The following PLCB1 variants were observed in gnomAD, a reference collection of about 807,000 sequenced individuals.
PLCB1 encodes the protein 1-phosphatidylinositol 4,5-bisphosphate phosphodiesterase beta-1.
A neutral mutation model predicts 161.8 loss-of-function variants in PLCB1; 46 were observed. The observed-to-expected ratio is 0.28, with a 90% CI of 0.22 to 0.36. The LOEUF (loss-of-function observed/expected upper bound fraction) is 0.36, where lower values mean the gene tolerates loss of function less well. Ranked by LOEUF, PLCB1 falls within the 10% of genes least tolerant of loss-of-function variation. The pLI, the probability that PLCB1 is intolerant of heterozygous loss-of-function variation, is 1.00. For missense variants in PLCB1, 1,016 were observed against 1,472.5 expected (o/e 0.69, Z 5.07); for synonymous variants, 517 against 503.7 (o/e 1.03, Z -0.35).
At chr20:8,369,331 C>T (rs1986826496) in intron 2 of PLCB1, among the ~76,000 whole-genome samples, 2 of 152,190 alleles carry the variant, frequency 1.3e-5, no homozygotes, top group African/African-American at 4.8e-5. Context: ...TCTTTCACCT[C>T]TCAGATCTCC....
intron 2 of PLCB1, among the ~76,000 whole-genome samples, chr20:8,186,819 G>C (rs1027872460): frequency 5.9e-5 from 9 of 152,174 alleles, no homozygotes; most frequent in African/African-American, 2.2e-4. Flanking sequence ...AGACAAGGTT[G>C]GTTGGAAGTG....
intron 2 of PLCB1, among the ~76,000 whole-genome samples, chr20:8,246,530 A>G (rs1313193912): frequency 6.6e-6 from 1 of 151,978 alleles, no homozygotes; most frequent in Non-Finnish European, 1.5e-5. Context: ...AAAGCAAGTC[A>G]CAAAGTGATC....
chr20:8,613,406 T>A (rs1349338964), intron 3 of PLCB1, among the ~76,000 whole-genome samples: 2 of 152,198 alleles, frequency 1.3e-5, no homozygotes, highest in East Asian at 3.8e-4. Context: ...TCAGGGACAT[T>A]AGCCGTGTCT....
chr20:8,267,344 T>C (rs1982020414), intron 2 of PLCB1, among the ~76,000 whole-genome samples: 1 of 152,150 alleles, frequency 6.6e-6, no homozygotes, highest in African/African-American at 2.4e-5. Context: ...CACTGCCTTC[T>C]GCGGGGTAGC....
chr20:8,761,791 G>A (rs577607886), intron 25 of PLCB1, among the ~76,000 whole-genome samples: 58 of 150,228 alleles, frequency 3.9e-4, no homozygotes, highest in African/African-American at 1.3e-3. Context: ...ACGGTGATTC[G>A]CCACGTTGGC....
chr20:8,264,533 GCAGCAATATAGTTTTGCTTGTAC>G (rs1981857823), intron 2 of PLCB1, among the ~76,000 whole-genome samples: 1 of 152,116 alleles, frequency 6.6e-6, no homozygotes, highest in Admixed American at 6.6e-5. Context: ...TATACAACTA[GCAGCAATATAGTTTTGCTTGTAC>G]CAGCAATACC....
chr20:8,453,662 GGAGA>G (rs138096634), intron 3 of PLCB1, among the ~76,000 whole-genome samples: 1 of 151,826 alleles, frequency 6.6e-6, no homozygotes, highest in Non-Finnish European at 1.5e-5. Context: ...AAGGGTAAGG[GGAGA>G]GAGAGAGAGG....
At chr20:8,604,769 G>T (rs1249342256) in intron 3 of PLCB1, among the ~76,000 whole-genome samples, 2 of 152,072 alleles carry the variant, frequency 1.3e-5, no homozygotes, top group Non-Finnish European at 2.9e-5. Flanking sequence ...ACATTGCATT[G>T]TATGAATAGA....
At position 8,479,810 on chromosome 20, in the gene PLCB1, T is replaced by C. The variant is rs143009758; in HGVS notation, c.246+108360T>C. Among the ~76,000 whole-genome samples the C allele has an allele frequency of 2.4e-4, 36 of 152,336 alleles. No individual in the cohort carries two copies. The East Asian group carries it at 3.1e-3, about 13-fold the overall frequency. On this transcript the variant is annotated intron_variant, in intron 3 of 31. Coordinates refer to ENST00000338037, the MANE Select transcript of PLCB1 (RefSeq NM_015192.4). ...TCTGCCCTTTACTATGAGAAAAATA[T>C]CTTTTAGGTAGTTGACGATTTCGAA...
intron 2 of PLCB1, among the ~76,000 whole-genome samples, chr20:8,287,917 A>C (rs1983199633): frequency 2.0e-5 from 3 of 152,136 alleles, no homozygotes; most frequent in Admixed American, 2.0e-4. Context: ...GAAGACAAAG[A>C]TGTGTGTTGG....
At chr20:8,139,311 G>C (rs923578275) in intron 1 of PLCB1, among the ~76,000 whole-genome samples, 2 of 152,000 alleles carry the variant, frequency 1.3e-5, no homozygotes, top group East Asian at 1.9e-4. Flanking sequence ...GGCCAGGCTG[G>C]TCTGGAACTC....
At chr20:8,492,503 A>G (rs1485949854) in intron 3 of PLCB1, among the ~76,000 whole-genome samples, 1 of 150,396 alleles carries the variant, frequency 6.6e-6, no homozygotes, top group Non-Finnish European at 1.5e-5. Flanking sequence ...TGTGTTTTAA[A>G]TAACATGGCA....
chr20:8,679,750 C>G (rs1600245728), intron 9 of PLCB1, among the ~76,000 whole-genome samples: 1 of 152,142 alleles, frequency 6.6e-6, no homozygotes, highest in East Asian at 1.9e-4. Flanking sequence ...TGTCCAATGG[C>G]ATACTGATTT....
chr20:8,734,160 A>AAAAAT (rs1980459593), intron 19 of PLCB1, among the ~76,000 whole-genome samples: 1 of 142,014 alleles, frequency 7.0e-6, no homozygotes, highest in African/African-American at 2.6e-5. Context: ...AAAAAAAAAA[A>AAAAAT]GTTTTCATAG....
At chr20:8,609,546 A>T (rs182613075) in intron 3 of PLCB1, among the ~76,000 whole-genome samples, 1 of 152,140 alleles carries the variant, frequency 6.6e-6, no homozygotes, top group East Asian at 1.9e-4. Flanking sequence ...TTTCTCTTCA[A>T]TTTACCACCT....
intron 20 of PLCB1, among the ~76,000 whole-genome samples, chr20:8,738,142 A>G (rs1980679156): frequency 1.3e-5 from 2 of 152,262 alleles, no homozygotes; most frequent in South Asian, 4.1e-4. Flanking sequence ...TTACAAATTT[A>G]TAAAGCAATT....
At chr20:8,530,183 T>C (rs1984748117) in intron 3 of PLCB1, among the ~76,000 whole-genome samples, 1 of 152,150 alleles carries the variant, frequency 6.6e-6, no homozygotes, top group Non-Finnish European at 1.5e-5. Flanking sequence ...CATTTGTTTT[T>C]CTCTGTTGAG....
At chr20:8,287,832 C>T (rs1983196942) in intron 2 of PLCB1, among the ~76,000 whole-genome samples, 1 of 152,126 alleles carries the variant, frequency 6.6e-6, no homozygotes, top group African/African-American at 2.4e-5. Context: ...ACCAATGAAG[C>T]TTAAGCATTG....
chr20:8,432,471 T>C (rs1272447281), intron 3 of PLCB1, among the ~76,000 whole-genome samples: 2 of 152,210 alleles, frequency 1.3e-5, no homozygotes, highest in African/African-American at 4.8e-5. Context: ...TATGACCTTA[T>C]TTAACCTTAA....
Sources: allele counts gnomAD v4.1 joint callset (sites outside exome capture counted in the v4.1 genomes callset), GRCh38; gene constraint gnomAD v4.1.1; transcripts MANE v1.5; gene names NCBI Gene and HGNC (gene_info 2026-07-23, HGNC 2026-07-21).